RHOD: variants seen among roughly 807,000 people sequenced by gnomAD.
The protein encoded by RHOD is ras homolog family member D.
In RHOD, 11 loss-of-function variants were observed where a neutral mutation model predicts 16.7. The ratio of observed to expected loss-of-function variants is 0.66; its 90% CI spans 0.41 to 1.09. The LOEUF is 1.09. Ranked by LOEUF, RHOD falls within the 50% of genes least tolerant of loss-of-function variation. RHOD has a pLI of 0.00. For missense variants in RHOD, 271 were observed against 291.7 expected (o/e 0.93, Z 0.52); for synonymous variants, 124 against 126.3 (o/e 0.98, Z 0.12).
In RHOD at chr11:67,070,469, C is replaced by T. The variant is rs539426793; in HGVS notation, c.375C>T (p.Ile125=). The change falls in exon 4 of 5, where the codon ATC becomes ATT. Residue 125 remains isoleucine (I), a synonymous_variant. Transcript: ENST00000308831. ...VNHFCKKVPI[I]VVGCKTDLRK... is the part of the protein sequence containing the mutation. Reference sequence around the variant, plus strand: ...ATTTCTGCAAGAAGGTACCCATCATCGTCGTGGGCTGCAAGACTGACCTGC... The same window carrying T: ...ATTTCTGCAAGAAGGTACCCATCATTGTCGTGGGCTGCAAGACTGACCTGC... 4.3e-6 allele frequency: 7 copies of T among 1,613,872 alleles called. No individual in the cohort carries two copies. Among genetic ancestry groups the T allele is most frequent in the African/African-American group, 4.0e-5 (3 of 74,872 alleles).
At position 67,071,733 on chromosome 11, in the gene RHOD, A is replaced by T; in HGVS notation, c.*131A>T. On this transcript the variant is annotated 3_prime_UTR_variant, in exon 5 of 5. Coordinates refer to ENST00000308831, the MANE Select transcript of RHOD (RefSeq NM_014578.4). The stretch of plus-strand genomic sequence containing the variant: ...GCAACAGACGGGCGCCACCAAAGCC[A>T]GGCCCTGAGGCCTGGGAGTCCTGGA... 1 of 947,278 alleles carries T rather than the reference A, an allele frequency of 1.1e-6. No homozygotes were observed. Among genetic ancestry groups the T allele is most frequent in the Non-Finnish European group, 1.5e-6 (1 of 656,552 alleles). The allele number at this position is 947,278 out of a possible 1,614,324, so 58.7% of individuals were successfully genotyped here.
intron 1 of RHOD, 35 bp from the exon 2 acceptor site, chr11:67,065,861 C>G: frequency 6.6e-7 from 1 of 1,508,042 alleles, no homozygotes. Flanking sequence ...TCTCCGAAGC[C>G]TCCTCACACC....
intron 3 of RHOD, among the ~76,000 whole-genome samples, chr11:67,068,020 T>C (rs1197182646): frequency 5.9e-5 from 9 of 152,106 alleles, no homozygotes; most frequent in East Asian, 1.9e-4. Context: ...AGGATGGTCT[T>C]GATCTCCTGA....
rs766513867 is a variant in RHOD, at chr11:67,065,884, G to C, written c.133-12G>C. On this transcript the variant is annotated splice_polypyrimidine_tract_variant and intron_variant, in intron 1 of 4. Transcript: ENST00000308831. ...GCCTCCTCACACCCTCCCCCGCCCTGCTTCTCCTCAGAGCTACACCCCCAC... is the reference window on the plus strand; with the variant it reads ...GCCTCCTCACACCCTCCCCCGCCCTCCTTCTCCTCAGAGCTACACCCCCAC... The C allele has an allele frequency of 6.2e-7, 1 of 1,609,506 alleles. No homozygotes were observed. The highest frequency in any genetic ancestry group is 8.5e-7 in the Non-Finnish European group (1 of 1,176,068).
rs1030550272 is a variant in RHOD, at chr11:67,071,698, G to A, written c.*96G>A. 148 of 1,256,482 alleles carry A rather than the reference G, an allele frequency of 1.2e-4. No homozygotes were observed. The highest frequency in any genetic ancestry group is 1.6e-4 in the Non-Finnish European group (145 of 932,214). The allele number at this position is 1,256,482 out of a possible 1,614,324, so 77.8% of individuals were successfully genotyped here. A position where few individuals can be genotyped will look rare whatever the true frequency, so the allele number is the denominator to read the frequency against. On this transcript the variant is annotated 3_prime_UTR_variant, in exon 5 of 5. Transcript: ENST00000308831. ...ACCCGGTCCCTAGGCTGTGACCGCC[G>A]AACTCCACTGCAACAGACGGGCGCC...
chr11:67,070,201 G>A lies in RHOD; in HGVS notation c.331-224G>A, dbSNP rs1017065571. The A allele has an allele frequency of 4.8e-6, 3 of 630,064 alleles. No individual in the cohort carries two copies. The African/African-American group carries it at 5.4e-5, about 11-fold the overall frequency. 39.0% of individuals were successfully genotyped at this position (630,064 alleles called of 1,614,324 possible). ...CCTCAGTTACCGCACCTGTACAGTG[G>A]GATTGGTTGTGAACTTGCTGCCACG... On this transcript the variant is annotated intron_variant, in intron 3 of 4. Transcript: ENST00000308831.
At chr11:67,062,191 T>C (rs2136245984) in intron 1 of RHOD, among the ~76,000 whole-genome samples, 1 of 152,254 alleles carries the variant, frequency 6.6e-6, no homozygotes, top group Non-Finnish European at 1.5e-5. Context: ...ACACTGCCCC[T>C]GGCCACCAGC....
chr11:67,061,753 AAAAT>A (rs1251599411), intron 1 of RHOD, among the ~76,000 whole-genome samples: 7 of 126,216 alleles, frequency 5.5e-5, no homozygotes, highest in African/African-American at 6.1e-5. Context: ...AAAAAAAAAA[AAAAT>A]ATATATATAT....
In RHOD at chr11:67,066,768, T is replaced by C. The variant is rs1256234739; in HGVS notation, c.251T>C (p.Leu84Pro). 6.2e-7 allele frequency: 1 copy of C among 1,613,834 alleles called. No individual in the cohort carries two copies. The highest frequency in any genetic ancestry group is 2.2e-5 in the East Asian group (1 of 44,864). Residue 84 changes from leucine to proline, a missense_variant, in exon 3 of 5, where the codon CTG becomes CCG. Physicochemically the swap from Leu to Pro is moderately conservative, Grantham distance 98 (BLOSUM62 -3). Transcript: ENST00000308831. Reference sequence around the variant, plus strand: ...GATGACTATGACCGCCTGCGGCCCCTGTTCTACCCTGACGCCAGCGTCCTG... The same window carrying C: ...GATGACTATGACCGCCTGCGGCCCCCGTTCTACCCTGACGCCAGCGTCCTG... Reference protein sequence around the residue: ...GQDDYDRLRPLFYPDASVLLL... With the variant: ...GQDDYDRLRPPFYPDASVLLL...
rs1854819734 is a variant in RHOD, at chr11:67,056,957, A to C, written c.55A>C (p.Lys19Gln). ...EEAPPGVRSV[K>Q]VVLVGDGGCG... is the part of the protein sequence containing the mutation. The stretch of plus-strand genomic sequence containing the variant: ...GGCGCCACCAGGCGTGCGGTCCGTC[A>C]AGGTGGTCCTGGTGGGCGACGGCGG... Residue 19 changes from lysine to glutamine, a missense_variant, in exon 1 of 5, where the codon AAG (lysine) becomes CAG (glutamine). By Grantham distance (53) the Lys-to-Gln change is moderately conservative. Transcript: ENST00000308831. The C allele has an allele frequency of 6.7e-7, 1 of 1,498,522 alleles. No individual in the cohort carries two copies. The highest frequency in any genetic ancestry group is 1.5e-5 in the African/African-American group (1 of 68,704). The allele number at this position is 1,498,522 out of a possible 1,614,324, so 92.8% of individuals were successfully genotyped here.
At chr11:67,069,976 CCACCA>C (rs1422130320) in intron 3 of RHOD, among the ~76,000 whole-genome samples, 1 of 152,200 alleles carries the variant, frequency 6.6e-6, no homozygotes, top group Non-Finnish European at 1.5e-5. Flanking sequence ...CAGGCGTGAG[CCACCA>C]CACCTGGCCC....
At chr11:67,067,869 G>C (rs562486851) in intron 3 of RHOD, among the ~76,000 whole-genome samples, 2 of 152,206 alleles carry the variant, frequency 1.3e-5, no homozygotes, top group East Asian at 3.9e-4. Flanking sequence ...GCGCCATCTC[G>C]GCTCACTACA....
At chr11:67,065,495 C>T (rs989390443) in intron 1 of RHOD, among the ~76,000 whole-genome samples, 9 of 152,186 alleles carry the variant, frequency 5.9e-5, no homozygotes, top group African/African-American at 2.2e-4. Context: ...GCCTCAGCCT[C>T]TTAAGTAGTG....
rs191550200 is a variant in RHOD, at chr11:67,064,337, C to T, written c.133-1559C>T. Among the ~76,000 whole-genome samples the T allele has an allele frequency of 5.7e-3, 781 of 137,348 alleles. 5 individuals carry two copies. Among genetic ancestry groups the T allele is most frequent in the African/African-American group, 0.02 (719 of 36,060 alleles). 90.1% of individuals were successfully genotyped at this position (137,348 alleles called of 152,430 possible). A position where few individuals can be genotyped will look rare whatever the true frequency, so the allele number is the denominator to read the frequency against. ...AGGAGAATGGCGTGAACCTGGGAGGCGGAGGTTGCAGTGAGCCAGATCACG... is the reference window on the plus strand; with the variant it reads ...AGGAGAATGGCGTGAACCTGGGAGGTGGAGGTTGCAGTGAGCCAGATCACG... On this transcript the variant is annotated intron_variant, in intron 1 of 4. Coordinates refer to ENST00000308831, the MANE Select transcript of RHOD (RefSeq NM_014578.4).
chr11:67,070,376 T>C, intron 3 of RHOD, 49 bp from the exon 4 acceptor site: 1 of 1,602,936 alleles, frequency 6.2e-7, no homozygotes, highest in Non-Finnish European at 8.5e-7. Context: ...GGGCCAGAAC[T>C]CTCCAGGGCT....
intron 1 of RHOD, among the ~76,000 whole-genome samples, chr11:67,062,032 C>G (rs1854898694): frequency 6.6e-6 from 1 of 151,966 alleles, no homozygotes; most frequent in South Asian, 2.1e-4. Flanking sequence ...ATGGGGGAAA[C>G]CGCCTTCATG....
intron 1 of RHOD, among the ~76,000 whole-genome samples, chr11:67,065,267 G>C (rs2136247568): frequency 6.6e-6 from 1 of 152,184 alleles, no homozygotes; most frequent in Non-Finnish European, 1.5e-5. Flanking sequence ...GTAGAGACAG[G>C]GTTTCACCAT....
intron 1 of RHOD, among the ~76,000 whole-genome samples, chr11:67,059,657 GA>G (rs1438504528): frequency 6.6e-6 from 1 of 152,142 alleles, no homozygotes; most frequent in Non-Finnish European, 1.5e-5. Flanking sequence ...ACTGAGTCCA[GA>G]ACCCAGAGGC....
intron 1 of RHOD, among the ~76,000 whole-genome samples, chr11:67,059,085 T>G (rs907040776): frequency 3.9e-5 from 6 of 152,182 alleles, no homozygotes; most frequent in Non-Finnish European, 7.3e-5. Context: ...AATGGGCCTC[T>G]TCCAGTTGAT....
Sources: gnomAD v4.1 joint callset for allele counts (sites outside exome capture counted in the v4.1 genomes callset) on GRCh38, gnomAD v4.1.1 for gene constraint, MANE v1.5 for transcripts, NCBI Gene and HGNC (gene_info 2026-07-23, HGNC 2026-07-21) for gene names.